ATP10D: variants seen among roughly 807,000 people sequenced by gnomAD.
ATP10D encodes the protein phospholipid-transporting ATPase VD.
ATP10D carries 89 observed loss-of-function variants against 144.8 expected under a neutral mutation model. The ratio of observed to expected loss-of-function variants is 0.61; its 90% CI spans 0.52 to 0.73. The LOEUF (loss-of-function observed/expected upper bound fraction) is 0.73, where lower values mean the gene tolerates loss of function less well. Among genes scored for constraint, ATP10D ranks in the 30% least tolerant of loss-of-function variants. The probability of loss-of-function intolerance (pLI) is 0.00; values close to 1 mark genes in which losing one functional copy is unlikely to be tolerated. For missense variants in ATP10D, 1,603 were observed against 1,714.8 expected (o/e 0.93, Z 1.15); for synonymous variants, 571 against 615.1 (o/e 0.93, Z 1.06).
rs1577642753 is a variant in ATP10D, at chr4:47,523,083, ACG to A, written c.558_559del (p.Asn186LysfsTer14). The A allele has an allele frequency of 2.5e-6, 4 of 1,613,850 alleles. No homozygotes were observed. The highest frequency in any genetic ancestry group is 3.4e-6 in the Non-Finnish European group (4 of 1,179,966). On this transcript the variant is annotated frameshift_variant, in exon 4 of 23. Transcript: ENST00000273859. LOFTEE classifies it high-confidence loss of function. Reference sequence around the variant, plus strand: ...GGGGACTTTATTCGCCTCTCCTGCAACGAGGTCATCCCTGCAGACATGGTACT... The same window carrying A: ...GGGGACTTTATTCGCCTCTCCTGCAAAGGTCATCCCTGCAGACATGGTACT...
At position 47,591,358 on chromosome 4, in the gene ATP10D, C is replaced by T. The variant is rs754801127; in HGVS notation, c.4258C>T (p.Pro1420Ser). 2 of 1,609,434 alleles carry T rather than the reference C, an allele frequency of 1.2e-6. No individual in the cohort carries two copies. The highest frequency in any genetic ancestry group is 2.2e-5 in the East Asian group (1 of 44,842). Reference protein sequence around the residue: ...SETKAFEMAGPSKGKES With the variant: ...SETKAFEMAGSSKGKES The stretch of plus-strand genomic sequence containing the variant: ...AACTAAGGCCTTTGAGATGGCTGGA[C>T]CCTCCAAAGGTAAAGAAAGCTAGAT... The change falls in exon 23 of 23, where the codon CCC becomes TCC. Residue 1420 changes from proline (P) to serine (S), a missense_variant. Pro to Ser is a moderately conservative substitution (Grantham distance 74, BLOSUM62 -1). Transcript: ENST00000273859.
At chr4:47,541,001 G>T (rs777829618) in intron 9 of ATP10D, among the ~76,000 whole-genome samples, 7 of 152,170 alleles carry the variant, frequency 4.6e-5, no homozygotes, top group Non-Finnish European at 8.8e-5. Flanking sequence ...TCAAGAACAA[G>T]GATTTTGGAA....
intron 9 of ATP10D, among the ~76,000 whole-genome samples, chr4:47,541,784 A>C (rs1401983532): frequency 6.6e-6 from 1 of 152,188 alleles, no homozygotes; most frequent in Non-Finnish European, 1.5e-5. Flanking sequence ...GGCTATAGGA[A>C]GATTACTGGG....
At chr4:47,568,660 C>A (rs1416299657) in intron 15 of ATP10D, among the ~76,000 whole-genome samples, 177 bp from the exon 16 acceptor site, 2 of 152,154 alleles carry the variant, frequency 1.3e-5, no homozygotes, top group Non-Finnish European at 2.9e-5. Flanking sequence ...TTTAACCCAT[C>A]CCCACATACA....
intron 9 of ATP10D, among the ~76,000 whole-genome samples, 166 bp from the exon 10 acceptor site, chr4:47,546,458 G>T (rs967860404): frequency 6.6e-6 from 1 of 152,160 alleles, no homozygotes; most frequent in Non-Finnish European, 1.5e-5. Flanking sequence ...TTCTCAGTGA[G>T]GTATAAGGTA....
intron 5 of ATP10D, among the ~76,000 whole-genome samples, chr4:47,528,511 G>GTA (rs1717390162): frequency 2.4e-5 from 2 of 82,016 alleles, no homozygotes; most frequent in Admixed American, 1.2e-4. Flanking sequence ...GTGTGTGTGT[G>GTA]TGTATATATA....
chr4:47,576,429 A>G (rs144996105), intron 18 of ATP10D, among the ~76,000 whole-genome samples: 18 of 152,318 alleles, frequency 1.2e-4, no homozygotes, highest in African/African-American at 4.1e-4. Context: ...ACTTAATTAA[A>G]TTAACATTCA....
chr4:47,546,636 A>C lies in ATP10D; in HGVS notation c.1409A>C (p.Glu470Ala). 4 of 1,614,066 alleles carry C rather than the reference A, an allele frequency of 2.5e-6. No homozygotes were observed. Among genetic ancestry groups the C allele is most frequent in the Non-Finnish European group, 3.4e-6 (4 of 1,179,916 alleles). Reference sequence around the variant, plus strand: ...TTTTATCCCACAGCCAGGAGGTTGGAGTCCTATCAGGAAGCTGTCTCTGAA... The same window carrying C: ...TTTTATCCCACAGCCAGGAGGTTGGCGTCCTATCAGGAAGCTGTCTCTGAA... ...YCHEENARRL[E>A]SYQEAVSEDE... The change falls in exon 10 of 23, where the codon GAG (glutamate) becomes GCG (alanine). Residue 470 changes from glutamate (E) to alanine (A), a missense_variant. Glu to Ala is a moderately radical substitution (Grantham distance 107, BLOSUM62 -1). Transcript: ENST00000273859.
At chr4:47,525,698 G>C in intron 5 of ATP10D, 56 bp downstream of exon 5, 1 of 1,386,390 alleles carries the variant, frequency 7.2e-7, no homozygotes, top group Non-Finnish European at 1.0e-6. Context: ...TGTTGCAATC[G>C]TACTTAATTT....
intron 1 of ATP10D, among the ~76,000 whole-genome samples, chr4:47,507,049 C>T (rs1253843866): frequency 6.6e-6 from 1 of 152,162 alleles, no homozygotes; most frequent in Non-Finnish European, 1.5e-5. Flanking sequence ...GAAGAGCAGA[C>T]TTACTAAAGC....
intron 7 of ATP10D, 97 bp from the exon 8 acceptor site, chr4:47,536,340 A>G: frequency 1.4e-6 from 2 of 1,463,936 alleles, no homozygotes; most frequent in Non-Finnish European, 1.9e-6. Context: ...TGTCCAACCA[A>G]AATGAATACT....
At chr4:47,520,729 C>T (rs917943248) in intron 3 of ATP10D, among the ~76,000 whole-genome samples, 7 of 151,972 alleles carry the variant, frequency 4.6e-5, no homozygotes, top group South Asian at 2.1e-4. Flanking sequence ...CCATCATACC[C>T]GGCTAATTTT....
intron 18 of ATP10D, 144 bp downstream of exon 18, chr4:47,573,141 C>T (rs1720054557): frequency 6.8e-6 from 7 of 1,035,136 alleles, no homozygotes; most frequent in Non-Finnish European, 9.7e-6. Flanking sequence ...TGCTGTCTTT[C>T]CAGAACTAAG....
intron 1 of ATP10D, among the ~76,000 whole-genome samples, chr4:47,497,414 C>T (rs547327827): frequency 1.3e-5 from 2 of 151,878 alleles, no homozygotes; most frequent in African/African-American, 2.4e-5. Flanking sequence ...GAGATTGCGC[C>T]GTTGCACTCC....
At chr4:47,548,050 A>G (rs1718531737) in intron 10 of ATP10D, among the ~76,000 whole-genome samples, 1 of 152,010 alleles carries the variant, frequency 6.6e-6, no homozygotes, top group African/African-American at 2.4e-5. Context: ...ATTTTCTTCT[A>G]TTTTATCTTT....
intron 3 of ATP10D, among the ~76,000 whole-genome samples, chr4:47,521,459 G>A (rs575385601): frequency 6.6e-6 from 1 of 152,216 alleles, no homozygotes; most frequent in Admixed American, 6.5e-5. Context: ...TGTCGCTACT[G>A]CCTTAATTCT....
intron 1 of ATP10D, among the ~76,000 whole-genome samples, chr4:47,507,806 C>T (rs923824765): frequency 6.6e-6 from 1 of 152,128 alleles, no homozygotes; most frequent in Non-Finnish European, 1.5e-5. Flanking sequence ...CAGAGAACAC[C>T]TTATGGTGTC....
In ATP10D at chr4:47,515,503, A is replaced by C. The variant is rs1383042774; in HGVS notation, c.318A>C (p.Leu106=). 1.2e-6 allele frequency: 2 copies of C among 1,613,158 alleles called. No homozygotes were observed. Among genetic ancestry groups the C allele is most frequent in the Admixed American group, 1.7e-5 (1 of 59,892 alleles). ...HRAANLYFLF[L]VVLNWVPLVE... is the part of the protein sequence containing the mutation. The stretch of plus-strand genomic sequence containing the variant: ...CTGCCAATTTATATTTCCTGTTCCT[A>C]GTTGTCCTGAACTGGGTACCTTTGG... Residue 106 remains leucine, a synonymous_variant, in exon 3 of 23, where the codon CTA becomes CTC. Transcript: ENST00000273859.
At chr4:47,516,010 G>T (rs544025838) in intron 3 of ATP10D, among the ~76,000 whole-genome samples, 2 of 152,216 alleles carry the variant, frequency 1.3e-5, no homozygotes, top group African/African-American at 2.4e-5. Context: ...CGGGTGGATC[G>T]CCTGAGGTCA....
Sources: allele counts gnomAD v4.1 joint callset (sites outside exome capture counted in the v4.1 genomes callset), GRCh38; gene constraint gnomAD v4.1.1; transcripts MANE v1.5; gene names NCBI Gene and HGNC (gene_info 2026-07-23, HGNC 2026-07-21).